Variants in EYA4 observed in about 807,000 individuals in gnomAD.
EYA4 encodes the protein protein phosphatase EYA4.
A neutral mutation model predicts 87.9 loss-of-function variants in EYA4; 31 were observed. The ratio of observed to expected loss-of-function variants is 0.35; its 90% CI spans 0.27 to 0.48. The LOEUF (loss-of-function observed/expected upper bound fraction) is 0.48. Among genes scored for constraint, EYA4 ranks in the 20% least tolerant of loss-of-function variants. EYA4 has a pLI of 0.99. For missense variants in EYA4, 678 were observed against 761.4 expected (o/e 0.89, Z 1.29); for synonymous variants, 263 against 270.6 (o/e 0.97, Z 0.28).
At chr6:133,320,121 T>A (rs1216955659) in intron 2 of EYA4, among the ~76,000 whole-genome samples, 2 of 151,978 alleles carry the variant, frequency 1.3e-5, no homozygotes, top group Non-Finnish European at 2.9e-5. Context: ...TTCTATTGAG[T>A]TTTCGATGAC....
At chr6:133,316,747 G>A (rs780341583) in intron 2 of EYA4, among the ~76,000 whole-genome samples, 5 of 152,170 alleles carry the variant, frequency 3.3e-5, no homozygotes, top group Non-Finnish European at 7.3e-5. Context: ...ACACGATTTT[G>A]ATGCATCTGG....
At chr6:133,500,731 G>T (rs1210063216) in intron 13 of EYA4, among the ~76,000 whole-genome samples, 1 of 151,926 alleles carries the variant, frequency 6.6e-6, no homozygotes, top group Non-Finnish European at 1.5e-5. Flanking sequence ...CTCCTGAAAG[G>T]ACTTCTTTCG....
At chr6:133,384,441 T>A (rs1455895528) in intron 3 of EYA4, among the ~76,000 whole-genome samples, 1 of 152,186 alleles carries the variant, frequency 6.6e-6, no homozygotes, top group East Asian at 1.9e-4. Context: ...CTGCTTAAAG[T>A]TTCCTAATCT....
intron 3 of EYA4, among the ~76,000 whole-genome samples, chr6:133,385,298 CA>C (rs3065362): frequency 0.63 from 67,390 of 106,384 alleles, 24,798 homozygotes; most frequent in Middle Eastern, 0.79. Context: ...GACTCTGTCT[CA>C]AAAAAAAAAA....
At chr6:133,508,805 T>C (rs1331263584) in intron 14 of EYA4, among the ~76,000 whole-genome samples, 1 of 152,188 alleles carries the variant, frequency 6.6e-6, no homozygotes, top group Non-Finnish European at 1.5e-5. Flanking sequence ...AGGTACTATG[T>C]TATATGTATT....
At chr6:133,522,021 C>T (rs1362396712) in intron 17 of EYA4, among the ~76,000 whole-genome samples, 5 of 130,152 alleles carry the variant, frequency 3.8e-5, no homozygotes, top group East Asian at 2.5e-4. Context: ...TGCTAGATGA[C>T]GAGTTAGTGG....
At chr6:133,513,147 C>A in intron 16 of EYA4, 109 bp downstream of exon 16, 1 of 1,150,220 alleles carries the variant, frequency 8.7e-7, no homozygotes. Context: ...AGCAAAAGCT[C>A]ATATTAAACC....
At chr6:133,500,911 G>A (rs1175359550) in intron 13 of EYA4, among the ~76,000 whole-genome samples, 1 of 152,168 alleles carries the variant, frequency 6.6e-6, no homozygotes, top group African/African-American at 2.4e-5. Context: ...AGTCTGAGGA[G>A]CCACCTTGTT....
intron 2 of EYA4, among the ~76,000 whole-genome samples, chr6:133,305,182 G>A (rs928209221): frequency 6.6e-6 from 1 of 152,136 alleles, no homozygotes; most frequent in African/African-American, 2.4e-5. Flanking sequence ...TGAAAGTTGG[G>A]GCAGTGGGAG....
chr6:133,314,380 G>A (rs558088913), intron 2 of EYA4, among the ~76,000 whole-genome samples: 58 of 152,174 alleles, frequency 3.8e-4, no homozygotes, highest in African/African-American at 1.4e-3. Context: ...CTTAAACCTA[G>A]TGACAAAATG....
At chr6:133,355,697 T>G (rs558338971) in intron 2 of EYA4, among the ~76,000 whole-genome samples, 2 of 152,338 alleles carry the variant, frequency 1.3e-5, no homozygotes, top group South Asian at 4.1e-4. Context: ...GTATTGTTAT[T>G]TATATTCAAA....
At chr6:133,275,729 T>C (rs1777110846) in intron 2 of EYA4, among the ~76,000 whole-genome samples, 1 of 152,148 alleles carries the variant, frequency 6.6e-6, no homozygotes, top group Non-Finnish European at 1.5e-5. Flanking sequence ...CCATTTGAAG[T>C]TGATTTGATT....
Position 133,464,771 on chromosome 6 carries a change from A to G in EYA4, c.725-8A>G, listed in dbSNP as rs1278061148. ...ACTTTTAAAATGCAATTTGTTTTTT[A>G]CCTCTAGGTTCTAGTTTTGCACCAT... On this transcript the variant is annotated splice_region_variant and splice_polypyrimidine_tract_variant and intron_variant, in intron 9 of 19. Coordinates refer to ENST00000355286, the MANE Select transcript of EYA4 (RefSeq NM_004100.5). 2 of 1,567,984 alleles carry G rather than the reference A, an allele frequency of 1.3e-6. No individual in the cohort carries two copies. The highest frequency in any genetic ancestry group is 1.4e-5 in the African/African-American group (1 of 73,990).
intron 2 of EYA4, among the ~76,000 whole-genome samples, chr6:133,352,996 GTAAGTTCATAGCT>G (rs1281918493): frequency 2.6e-5 from 4 of 152,102 alleles, no homozygotes; most frequent in African/African-American, 9.7e-5. Flanking sequence ...TCAAATGATA[GTAAGTTCATAGCT>G]TATTATACTT....
At chr6:133,406,395 A>G (rs551621284) in intron 3 of EYA4, among the ~76,000 whole-genome samples, 6 of 152,350 alleles carry the variant, frequency 3.9e-5, no homozygotes, top group African/African-American at 7.2e-5. Context: ...GAGGCATACA[A>G]TGCCAACGGC....
chr6:133,528,471 G>A (rs1800809737), intron 19 of EYA4, among the ~76,000 whole-genome samples: 1 of 152,112 alleles, frequency 6.6e-6, no homozygotes, highest in Non-Finnish European at 1.5e-5. Flanking sequence ...AACTATCTAA[G>A]AAATGTTAAT....
intron 2 of EYA4, among the ~76,000 whole-genome samples, chr6:133,350,748 C>A (rs2128424665): frequency 6.6e-6 from 1 of 152,160 alleles, no homozygotes; most frequent in African/African-American, 2.4e-5. Flanking sequence ...ACTTCAGTGT[C>A]AAATGTGCTA....
intron 14 of EYA4, chr6:133,507,160 T>C (rs1798710821): frequency 6.6e-6 from 1 of 152,216 alleles, no homozygotes; most frequent in Non-Finnish European, 1.5e-5. Flanking sequence ...CTTAACAATG[T>C]ATTGAAGTAA....
intron 2 of EYA4, among the ~76,000 whole-genome samples, chr6:133,318,901 G>A (rs866021750): frequency 2.0e-5 from 3 of 152,140 alleles, no homozygotes; most frequent in Non-Finnish European, 4.4e-5. Context: ...ATATTAATGC[G>A]ATGATCTGAG....
Sources: allele counts gnomAD v4.1 joint callset (sites outside exome capture counted in the v4.1 genomes callset), GRCh38; gene constraint gnomAD v4.1.1; transcripts MANE v1.5; gene names NCBI Gene and HGNC (gene_info 2026-07-23, HGNC 2026-07-21).